The following CECR2 variants were observed in gnomAD, a reference collection of about 807,000 sequenced individuals.
CECR2 encodes chromatin remodeling regulator CECR2.
A neutral mutation model predicts 154.5 loss-of-function variants in CECR2; 30 were observed. That is an observed-to-expected ratio of 0.19 (90% CI 0.15 to 0.26). The LOEUF is 0.26. Among genes scored for constraint, CECR2 ranks in the 10% least tolerant of loss-of-function variants. The probability of loss-of-function intolerance (pLI) is 1.00; values close to 1 mark genes in which losing one functional copy is unlikely to be tolerated. For missense variants in CECR2, 1,743 were observed against 1,829.3 expected, an observed-to-expected ratio of 0.95 and a Z score of 0.86; for synonymous variants, 725 against 683.7, an observed-to-expected ratio of 1.06 and a Z score of -0.94.
At chr22:17,393,241 T>C (rs1176101911) in intron 1 of CECR2, among the ~76,000 whole-genome samples, 8 of 152,204 alleles carry the variant, frequency 5.3e-5, no homozygotes, top group Admixed American at 5.2e-4. Flanking sequence ...TTTTCCTTTT[T>C]GGGCCTTCAT....
intron 2 of CECR2, among the ~76,000 whole-genome samples, chr22:17,493,487 A>AT (rs1290600859): frequency 6.6e-6 from 1 of 152,038 alleles, no homozygotes; most frequent in Non-Finnish European, 1.5e-5. Flanking sequence ...CCCTCAAGAG[A>AT]TTTTTCCCCA....
chr22:17,549,017 G>A lies in CECR2; in HGVS notation c.3730G>A (p.Ala1244Thr), dbSNP rs201121617. 1.2e-3 allele frequency: 1,926 copies of A among 1,613,968 alleles called. No individual in the cohort carries two copies. Among genetic ancestry groups the A allele is most frequent in the Non-Finnish European group, 1.6e-3 (1,838 of 1,179,884 alleles). ...CCTCTTCTCAGATAAGAATGCCATG[G>A]CCAGTCTGCAAGGCTGTGAGACACT... Reference protein sequence around the residue: ...RSLFSDKNAMASLQGCETLNA... With the variant: ...RSLFSDKNAMTSLQGCETLNA... Residue 1244 changes from alanine (A) to threonine (T), a missense_variant, in exon 17 of 19, where the codon GCC (alanine) becomes ACC (threonine). Coordinates refer to ENST00000262608, the MANE Select transcript of CECR2 (RefSeq NM_001290047.2).
At chr22:17,425,594 A>C (rs1601335997) in intron 1 of CECR2, among the ~76,000 whole-genome samples, 1 of 152,210 alleles carries the variant, frequency 6.6e-6, no homozygotes, top group Non-Finnish European at 1.5e-5. Context: ...ACAGCTTCCC[A>C]GGACAGCAGA....
At chr22:17,436,677 C>T (rs2054511378) in intron 1 of CECR2, among the ~76,000 whole-genome samples, 1 of 152,216 alleles carries the variant, frequency 6.6e-6, no homozygotes, top group Admixed American at 6.5e-5. Context: ...CAGGGAAGTC[C>T]TGCGGGACCA....
chr22:17,390,431 A>G (rs2063314007), intron 1 of CECR2, among the ~76,000 whole-genome samples: 1 of 152,172 alleles, frequency 6.6e-6, no homozygotes, highest in Non-Finnish European at 1.5e-5. Flanking sequence ...TTCCACTGCA[A>G]AGTTACTGTT....
intron 1 of CECR2, among the ~76,000 whole-genome samples, chr22:17,456,403 G>A (rs951977721): frequency 3.9e-5 from 6 of 152,048 alleles, no homozygotes; most frequent in Non-Finnish European, 7.4e-5. Context: ...CATTAAATTT[G>A]TTGGAATCAA....
intron 1 of CECR2, among the ~76,000 whole-genome samples, chr22:17,459,576 A>G (rs779426931): frequency 2.0e-5 from 3 of 152,086 alleles, no homozygotes; most frequent in Non-Finnish European, 2.9e-5. Flanking sequence ...GGCCTCACAA[A>G]GTGTTGGGAT....
chr22:17,524,335 G>T (rs765100621), intron 9 of CECR2, 64 bp downstream of exon 9: 6 of 1,524,186 alleles, frequency 3.9e-6, no homozygotes, highest in Non-Finnish European at 5.3e-6. Context: ...CCTGTAGCCA[G>T]AGCCAACTCA....
chr22:17,385,055 T>C (rs1240216602), intron 1 of CECR2, among the ~76,000 whole-genome samples: 1 of 152,222 alleles, frequency 6.6e-6, no homozygotes, highest in Non-Finnish European at 1.5e-5. Flanking sequence ...CTCACCTTTC[T>C]AAGCCTTCGT....
At chr22:17,527,743 C>G (rs1296781) in intron 9 of CECR2, among the ~76,000 whole-genome samples, 21,231 of 147,836 alleles carry the variant, frequency 0.14, 1,934 homozygotes, top group Non-Finnish European at 0.2. Flanking sequence ...TCATTCCAGC[C>G]TGGGCAATAC....
intron 1 of CECR2, among the ~76,000 whole-genome samples, chr22:17,430,207 C>T (rs1435002547): frequency 1.3e-5 from 2 of 152,156 alleles, no homozygotes; most frequent in African/African-American, 2.4e-5. Flanking sequence ...ATAGGTCAGG[C>T]CTCTTACAGT....
chr22:17,362,434 C>T (rs2062981620), intron 1 of CECR2, among the ~76,000 whole-genome samples: 1 of 152,154 alleles, frequency 6.6e-6, no homozygotes, highest in Non-Finnish European at 1.5e-5. Flanking sequence ...CCACTAACCA[C>T]AGTGGTGAAT....
At chr22:17,380,940 A>T (rs1172048971) in intron 1 of CECR2, among the ~76,000 whole-genome samples, 1 of 152,202 alleles carries the variant, frequency 6.6e-6, no homozygotes, top group South Asian at 2.1e-4. Flanking sequence ...GTGTTAAATT[A>T]ACAGATCTAC....
intron 1 of CECR2, among the ~76,000 whole-genome samples, chr22:17,438,544 G>A (rs1417691379): frequency 3.9e-5 from 6 of 152,046 alleles, no homozygotes; most frequent in African/African-American, 7.3e-5. Flanking sequence ...CCACCTGCCC[G>A]CAGGCCGCCT....
At chr22:17,538,615 T>G (rs187686420) in intron 11 of CECR2, 25 bp from the exon 12 acceptor site, 7 of 1,613,702 alleles carry the variant, frequency 4.3e-6, no homozygotes, top group African/African-American at 2.7e-5. Context: ...TGTGAGTGTG[T>G]TAAGATCTCT....
intron 3 of CECR2, among the ~76,000 whole-genome samples, chr22:17,498,833 T>C (rs759983015): frequency 6.6e-6 from 1 of 152,100 alleles, no homozygotes; most frequent in Non-Finnish European, 1.5e-5. Context: ...TGCTGTTGGA[T>C]TCTCTCTTTT....
chr22:17,419,540 AGAGGAAGAG>A (rs1368155759), intron 1 of CECR2: 41 of 199,710 alleles, frequency 2.1e-4, no homozygotes, highest in South Asian at 7.1e-4. Flanking sequence ...AGGAAGAGGA[AGAGGAAGAG>A]GAGGAGGAGG....
rs756604479 is a variant in CECR2, at chr22:17,543,020, C to A, written c.2860+17C>A. 1.7e-5 allele frequency: 27 copies of A among 1,577,780 alleles called. No individual in the cohort carries two copies. The highest frequency in any genetic ancestry group is 2.3e-5 in the Non-Finnish European group (27 of 1,160,748). On this transcript the variant is annotated intron_variant, in intron 16 of 18. Transcript: ENST00000262608. ...ATGACCAAGGTAATTTACACTGTCA[C>A]TTTGGGCTCTTTAAGCTCTTGTTTC...
chr22:17,540,703 A>G lies in CECR2; in HGVS notation c.1787A>G (p.Gln596Arg). The G allele has an allele frequency of 6.2e-7, 1 of 1,613,468 alleles. No homozygotes were observed. Among genetic ancestry groups the G allele is most frequent in the Non-Finnish European group, 8.5e-7 (1 of 1,179,614 alleles). The change falls in exon 14 of 19, where the codon CAG (glutamine) becomes CGG (arginine). Residue 596 changes from glutamine (Q) to arginine (R), a missense_variant. Gln to Arg is a conservative substitution (Grantham distance 43). Around this residue, in one of 4 missense-constraint regions of CECR2, gnomAD observed 1,250 missense variants for 1,192.1 expected, o/e 1.05. Transcript: ENST00000262608. ...GACGATCAGAGCAGCAGCTCCACAC[A>G]GCCCCCGCGGGAGGTGGGCACTTCC... is the stretch of plus-strand genomic sequence containing the variant. ...SGDDQSSSST[Q>R]PPREVGTSNG...
Sources: allele counts gnomAD v4.1 joint callset (sites outside exome capture counted in the v4.1 genomes callset), GRCh38; gene constraint gnomAD v4.1.1; regional missense constraint gnomAD v4.1.1; transcripts MANE v1.5; gene names NCBI Gene and HGNC (gene_info 2026-07-23, HGNC 2026-07-21).